The following DPYD variants were observed in gnomAD, a reference collection of about 807,000 sequenced individuals.
DPYD encodes the protein dihydropyrimidine dehydrogenase.
Under a neutral mutation model 116.2 loss-of-function variants are expected in DPYD, and 109 were observed. That is an observed-to-expected ratio of 0.94 (90% CI 0.80 to 1.10). DPYD has a LOEUF of 1.10. Ranked by LOEUF, DPYD falls within the 50% of genes least tolerant of loss-of-function variation. The pLI is 0.00. For missense variants in DPYD, 1,302 were observed against 1,254.5 expected, an observed-to-expected ratio of 1.04 and a Z score of -0.57; for synonymous variants, 440 against 432.0, an observed-to-expected ratio of 1.02 and a Z score of -0.23.
At chr1:97,686,576 G>T (rs1571190228) in intron 7 of DPYD, among the ~76,000 whole-genome samples, 1 of 137,340 alleles carries the variant, frequency 7.3e-6, no homozygotes, top group African/African-American at 2.8e-5. Context: ...GGCGGAGCTT[G>T]CAGTGAGCCG....
intron 1 of DPYD, among the ~76,000 whole-genome samples, chr1:97,892,607 A>T (rs1233336658): frequency 1.5e-4 from 23 of 151,804 alleles, no homozygotes; most frequent in Non-Finnish European, 1.2e-4. Context: ...GTCCTGGTCA[A>T]AGACTTACAT....
intron 14 of DPYD, among the ~76,000 whole-genome samples, chr1:97,400,738 G>C (rs1271595954): frequency 6.6e-6 from 1 of 152,158 alleles, no homozygotes; most frequent in East Asian, 1.9e-4. Flanking sequence ...TATTTGTGTA[G>C]AGGTGTTTAT....
At chr1:97,514,159 G>C in intron 13 of DPYD, 1 of 974,184 alleles carries the variant, frequency 1.0e-6, no homozygotes. Context: ...TGGAGGTTTA[G>C]AAGGAAGTTA....
intron 20 of DPYD, among the ~76,000 whole-genome samples, chr1:97,131,580 G>A (rs937599036): frequency 6.6e-6 from 1 of 152,182 alleles, no homozygotes; most frequent in African/African-American, 2.4e-5. Flanking sequence ...AGAAGGTCAA[G>A]AGCAGTGGAA....
At chr1:97,129,113 G>T (rs1218050192) in intron 20 of DPYD, among the ~76,000 whole-genome samples, 1 of 150,304 alleles carries the variant, frequency 6.7e-6, no homozygotes, top group Non-Finnish European at 1.5e-5. Context: ...CACCCAGGAT[G>T]GAGTGCAATG....
At chr1:97,688,552 A>G (rs565319259) in intron 7 of DPYD, among the ~76,000 whole-genome samples, 11 of 152,130 alleles carry the variant, frequency 7.2e-5, no homozygotes, top group Non-Finnish European at 1.5e-4. Context: ...TTAGTAAAAA[A>G]GATGTCTCAA....
intron 3 of DPYD, among the ~76,000 whole-genome samples, chr1:97,746,507 G>A (rs892564197): frequency 7.2e-5 from 11 of 151,904 alleles, no homozygotes; most frequent in African/African-American, 2.4e-4. Context: ...TACTATACAC[G>A]AAAAATATAC....
intron 16 of DPYD, among the ~76,000 whole-genome samples, chr1:97,361,427 T>G (rs925168338): frequency 6.6e-6 from 1 of 152,002 alleles, no homozygotes; most frequent in African/African-American, 2.4e-5. Context: ...CAATAGAAAA[T>G]GAGGGAATCC....
intron 1 of DPYD, among the ~76,000 whole-genome samples, chr1:97,891,054 C>T (rs1672748343): frequency 6.6e-6 from 1 of 151,800 alleles, no homozygotes; most frequent in East Asian, 1.9e-4. Flanking sequence ...TTAATAATAT[C>T]CCAAATGAAA....
chr1:97,862,527 C>T (rs1252843694), intron 2 of DPYD, among the ~76,000 whole-genome samples: 1 of 151,892 alleles, frequency 6.6e-6, no homozygotes, highest in Non-Finnish European at 1.5e-5. Flanking sequence ...GTCAACAACT[C>T]TTACTTCTCC....
chr1:97,772,713 G>A (rs1446846304), intron 3 of DPYD, among the ~76,000 whole-genome samples: 1 of 152,072 alleles, frequency 6.6e-6, no homozygotes, highest in Non-Finnish European at 1.5e-5. Flanking sequence ...GGAGGAAACT[G>A]GTAAGTAGAG....
chr1:97,557,800 A>G (rs1425496683), intron 11 of DPYD, among the ~76,000 whole-genome samples: 1 of 152,226 alleles, frequency 6.6e-6, no homozygotes, highest in Non-Finnish European at 1.5e-5. Flanking sequence ...AATGTTAGAA[A>G]AAATAATCAA....
intron 16 of DPYD, among the ~76,000 whole-genome samples, chr1:97,352,337 C>T (rs1670191171): frequency 6.6e-6 from 1 of 152,156 alleles, no homozygotes; most frequent in Admixed American, 6.5e-5. Flanking sequence ...CTGCATGAGG[C>T]CTGCTACCTA....
At chr1:97,428,899 T>C (rs1351663774) in intron 14 of DPYD, among the ~76,000 whole-genome samples, 1 of 151,974 alleles carries the variant, frequency 6.6e-6, no homozygotes, top group East Asian at 1.9e-4. Context: ...CCTGAGAAAG[T>C]GGGCTTTTTG....
At chr1:97,794,412 C>T (rs1667469070) in intron 3 of DPYD, among the ~76,000 whole-genome samples, 1 of 152,082 alleles carries the variant, frequency 6.6e-6, no homozygotes, top group African/African-American at 2.4e-5. Context: ...AGACACATTA[C>T]CAAATAAGAC....
chr1:97,271,069 T>C (rs1664554301), intron 18 of DPYD, among the ~76,000 whole-genome samples: 1 of 152,178 alleles, frequency 6.6e-6, no homozygotes, highest in Non-Finnish European at 1.5e-5. Flanking sequence ...CAAATTCAGC[T>C]AAAGAATTCA....
Position 97,552,913 on chromosome 1 carries a change from GAGGTTACTA to G in DPYD, c.1340-3178_1340-3170del, listed in dbSNP as rs560967758. Among the ~76,000 whole-genome samples, 41 of 152,086 alleles carry G rather than the reference GAGGTTACTA, an allele frequency of 2.7e-4. No individual in the cohort carries two copies. The South Asian group carries it at 8.3e-3, about 31-fold the overall frequency. On this transcript the variant is annotated intron_variant, in intron 11 of 22. Coordinates refer to ENST00000370192, the MANE Select transcript of DPYD (RefSeq NM_000110.4). ...GCTGAGAGATCACACAGCTGGTTATGAGGTTACTAACATCAATCAAAATAGAGACCATCT... is the reference window on the plus strand; with the variant it reads ...GCTGAGAGATCACACAGCTGGTTATGACATCAATCAAAATAGAGACCATCT...
At chr1:97,546,641 A>G in intron 12 of DPYD, 1 of 1,612,760 alleles carries the variant, frequency 6.2e-7, no homozygotes, top group Non-Finnish European at 8.5e-7. Context: ...TGGTGGCTTT[A>G]CATTGCAGAT....
intron 16 of DPYD, among the ~76,000 whole-genome samples, chr1:97,322,090 G>C (rs1204238447): frequency 6.7e-5 from 7 of 104,226 alleles, no homozygotes; most frequent in Admixed American, 1.1e-4. Flanking sequence ...GTGGTGGGGT[G>C]GGGGGAGGGG....
Sources: allele counts gnomAD v4.1 joint callset (sites outside exome capture counted in the v4.1 genomes callset), GRCh38; gene constraint gnomAD v4.1.1; transcripts MANE v1.5; gene names NCBI Gene and HGNC (gene_info 2026-07-23, HGNC 2026-07-21).